The following TANGO6 variants were observed in gnomAD, a reference collection of about 807,000 sequenced individuals.
TANGO6 encodes transport and golgi organization 6 homolog.
In TANGO6, 90 loss-of-function variants were observed where a neutral mutation model predicts 114.2. The ratio of observed to expected loss-of-function variants is 0.79; its 90% CI spans 0.66 to 0.94. The LOEUF (loss-of-function observed/expected upper bound fraction) is 0.94. Ranked by LOEUF, TANGO6 falls within the 40% of genes least tolerant of loss-of-function variation. The pLI, the probability that TANGO6 is intolerant of heterozygous loss-of-function variation, is 0.00. For synonymous variants in TANGO6, 477 were observed against 509.8 expected, an observed-to-expected ratio of 0.94 and a Z score of 0.87; for missense variants, 1,274 against 1,315.3, an observed-to-expected ratio of 0.97 and a Z score of 0.49.
intron 14 of TANGO6, among the ~76,000 whole-genome samples, chr16:68,945,482 C>A (rs779245690): frequency 1.3e-5 from 2 of 151,798 alleles, no homozygotes; most frequent in Non-Finnish European, 2.9e-5. Context: ...GCTTTGTTTC[C>A]CTGGCCTCTC....
At chr16:68,969,022 C>T (rs1963677778) in intron 14 of TANGO6, among the ~76,000 whole-genome samples, 1 of 152,080 alleles carries the variant, frequency 6.6e-6, no homozygotes, top group Admixed American at 6.6e-5. Context: ...GCACTGCCTC[C>T]AAAAAAAGTT....
intron 17 of TANGO6, among the ~76,000 whole-genome samples, chr16:69,050,888 G>C (rs1959938089): frequency 1.3e-5 from 2 of 152,070 alleles, no homozygotes; most frequent in African/African-American, 4.8e-5. Flanking sequence ...GCCTCCCAAA[G>C]TGCTGGGATT....
chr16:68,856,924 A>C (rs551308693), intron 1 of TANGO6, among the ~76,000 whole-genome samples: 2 of 152,274 alleles, frequency 1.3e-5, no homozygotes, highest in South Asian at 4.1e-4. Flanking sequence ...CCTGGCTAAC[A>C]CGGTGAAACC....
chr16:68,860,799 C>A (rs1962081871), intron 2 of TANGO6, among the ~76,000 whole-genome samples: 1 of 152,080 alleles, frequency 6.6e-6, no homozygotes, highest in Non-Finnish European at 1.5e-5. Context: ...TCTGTTTCTT[C>A]TTCTATAAAA....
chr16:68,846,590 G>A, intron 1 of TANGO6: 1 of 229,990 alleles, frequency 4.3e-6, no homozygotes, highest in Non-Finnish European at 8.9e-6. Flanking sequence ...CCGCCTCCCA[G>A]GTTCAAGCAA....
chr16:68,932,021 T>G (rs765383816), intron 14 of TANGO6, among the ~76,000 whole-genome samples: 1 of 151,400 alleles, frequency 6.6e-6, no homozygotes, highest in Non-Finnish European at 1.5e-5. Flanking sequence ...AGTTACGAAC[T>G]TTAAATGGGT....
At chr16:69,021,448 T>A (rs932068226) in intron 15 of TANGO6, among the ~76,000 whole-genome samples, 4 of 152,184 alleles carry the variant, frequency 2.6e-5, no homozygotes, top group African/African-American at 9.6e-5. Context: ...CATTATTCCT[T>A]ATTTCCCTTA....
chr16:69,021,137 T>G (rs1959398962), intron 15 of TANGO6, among the ~76,000 whole-genome samples: 1 of 152,116 alleles, frequency 6.6e-6, no homozygotes, highest in African/African-American at 2.4e-5. Flanking sequence ...GGCCTCTCAT[T>G]GTACTCTGAG....
chr16:69,059,712 G>C (rs1363190371), intron 17 of TANGO6, among the ~76,000 whole-genome samples: 1 of 152,106 alleles, frequency 6.6e-6, no homozygotes, highest in Admixed American at 6.6e-5. Flanking sequence ...GTAGAGACGA[G>C]GTTTCACCAT....
rs1555525238 is a variant in TANGO6 at position 68,953,050 on chromosome 16, T to TTA, written c.2702-20977_2702-20976insAT. Among the ~76,000 whole-genome samples the TTA allele has an allele frequency of 1.9e-3, 269 of 139,206 alleles. 1 individual carries two copies. The highest frequency in any genetic ancestry group is 3.0e-3 in the African/African-American group (114 of 37,792). 91.3% of individuals were successfully genotyped at this position (139,206 alleles called of 152,430 possible). A position where few individuals can be genotyped will look rare whatever the true frequency, so the allele number is the denominator to read the frequency against. ...ATGTTCATTCACTCAACAGGTATTT[T>TTA]TTATTATTATTATTATTATTATTAT... On this transcript the variant is annotated intron_variant, in intron 14 of 17. Coordinates refer to ENST00000261778, the MANE Select transcript of TANGO6 (RefSeq NM_024562.2).
In TANGO6 at chr16:68,927,626, C is replaced by G; in HGVS notation, c.2186C>G (p.Ser729Cys). 1.2e-6 allele frequency: 2 copies of G among 1,613,970 alleles called. No homozygotes were observed. The highest frequency in any genetic ancestry group is 1.7e-6 in the Non-Finnish European group (2 of 1,179,864). ...TTGTTGCCTCTGTTGGAGAAGGTATCCAACACATACCCTGATCCGGTCATC... is the reference window on the plus strand; with the variant it reads ...TTGTTGCCTCTGTTGGAGAAGGTATGCAACACATACCCTGATCCGGTCATC... ...KQLLPLLEKV[S>C]NTYPDPVIQE... Residue 729 changes from serine to cysteine, a missense_variant, in exon 13 of 18, where the codon TCC (serine) becomes TGC (cysteine). Around this residue, in one of 5 missense-constraint regions of TANGO6, gnomAD observed 908 missense variants for 910.2 expected, o/e 1.00. Coordinates refer to ENST00000261778, the MANE Select transcript of TANGO6 (RefSeq NM_024562.2).
chr16:68,903,056 G>A (rs1176726028), intron 9 of TANGO6, among the ~76,000 whole-genome samples: 2 of 152,168 alleles, frequency 1.3e-5, no homozygotes, highest in East Asian at 3.9e-4. Flanking sequence ...ATGATCTAAT[G>A]TTATTACCTC....
chr16:68,907,601 C>T, intron 10 of TANGO6, 26 bp downstream of exon 10: 1 of 1,589,558 alleles, frequency 6.3e-7, no homozygotes. Context: ...AGTTCCTGGT[C>T]AGTGTTGTTC....
intron 7 of TANGO6, 158 bp from the exon 8 acceptor site, chr16:68,900,276 T>C: frequency 4.9e-6 from 3 of 615,216 alleles, no homozygotes; most frequent in Non-Finnish European, 8.7e-6. Context: ...CTCAAATTGT[T>C]TCATTGCCAT....
At chr16:68,907,378 A>T in intron 9 of TANGO6, 65 bp from the exon 10 acceptor site, 2 of 1,475,698 alleles carry the variant, frequency 1.4e-6, no homozygotes, top group Non-Finnish European at 1.8e-6. Context: ...GAAGATTGTT[A>T]TGGGGTTTAA....
In TANGO6 at chr16:69,018,139, CTTTTTTTTTTTTT is replaced by C. The variant is rs34796579; in HGVS notation, c.2843-4679_2843-4667del. 3.9e-5 allele frequency among the ~76,000 whole-genome samples: 3 copies of C among 77,076 alleles called. No individual in the cohort carries two copies. In the Admixed American group the frequency reaches 5.5e-4, roughly 14 times the overall value. 50.6% of individuals were successfully genotyped at this position (77,076 alleles called of 152,430 possible). On this transcript the variant is annotated intron_variant, in intron 15 of 17. Transcript: ENST00000261778. ...CACCATGCCCAGCCGTTGGAAATCT[CTTTTTTTTTTTTT>C]TTTTTTTTTGAGACAGAGTCTCTCT... is the stretch of plus-strand genomic sequence containing the variant.
intron 14 of TANGO6, among the ~76,000 whole-genome samples, chr16:68,960,009 G>A (rs145422645): frequency 1.1e-3 from 174 of 152,254 alleles, no homozygotes; most frequent in African/African-American, 3.9e-3. Context: ...TAAATTTGGC[G>A]GACAGAGAAG....
intron 15 of TANGO6, among the ~76,000 whole-genome samples, chr16:68,985,411 T>C (rs902537946): frequency 3.9e-5 from 6 of 152,196 alleles, no homozygotes; most frequent in Non-Finnish European, 1.5e-5. Context: ...CAACATATAC[T>C]TCTTGATATT....
intron 7 of TANGO6, among the ~76,000 whole-genome samples, chr16:68,898,946 C>CTTATTATTATTATTA (rs143073228): frequency 1.1e-3 from 161 of 144,986 alleles, no homozygotes; most frequent in African/African-American, 3.7e-3. Context: ...AATTATCTGC[C>CTTATTATTATTATTA]TTATTATTAT....
Sources: gnomAD v4.1 joint callset for allele counts (sites outside exome capture counted in the v4.1 genomes callset) on GRCh38, gnomAD v4.1.1 for gene constraint, gnomAD v4.1.1 regional missense constraint, MANE v1.5 for transcripts, NCBI Gene and HGNC (gene_info 2026-07-23, HGNC 2026-07-21) for gene names.